The following CYFIP1 variants were observed in gnomAD, a reference collection of about 807,000 sequenced individuals.
CYFIP1 encodes cytoplasmic FMR1 interacting protein 1.
Under a neutral mutation model 163.5 loss-of-function variants are expected in CYFIP1, and 58 were observed. That is an observed-to-expected ratio of 0.35 (90% CI 0.29 to 0.44). The LOEUF is 0.44. Among genes scored for constraint, CYFIP1 ranks in the 20% least tolerant of loss-of-function variants. The pLI is 1.00. For missense variants in CYFIP1, 1,338 were observed against 1,653.8 expected (o/e 0.81, Z 3.31); for synonymous variants, 663 against 660.7 (o/e 1.00, Z -0.05).
At chr15:22,884,967 G>A (rs12904968) in intron 23 of CYFIP1, among the ~76,000 whole-genome samples, 1 of 150,652 alleles carries the variant, frequency 6.6e-6, no homozygotes, top group Non-Finnish European at 1.5e-5. Flanking sequence ...GGGATGGGGG[G>A]TGGGGTGGGG....
At chr15:22,873,158 CTTT>C (rs1165071479) in intron 29 of CYFIP1, among the ~76,000 whole-genome samples, 186 bp from the exon 30 acceptor site, 10 of 152,096 alleles carry the variant, frequency 6.6e-5, no homozygotes, top group Non-Finnish European at 1.0e-4. Flanking sequence ...TGATAAATAA[CTTT>C]TTTGGGCTCT....
At chr15:22,923,334 C>A (rs553980168) in intron 13 of CYFIP1, among the ~76,000 whole-genome samples, 1 of 152,140 alleles carries the variant, frequency 6.6e-6, no homozygotes, top group Admixed American at 6.5e-5. Flanking sequence ...ATAATGCACA[C>A]AAATGGCCAA....
intron 23 of CYFIP1, among the ~76,000 whole-genome samples, chr15:22,886,167 A>T (rs1250382747): frequency 6.6e-6 from 1 of 152,156 alleles, no homozygotes. Flanking sequence ...TCATGAGAAC[A>T]TCGTCACCCC....
At chr15:22,953,405 A>C (rs2062327145) in intron 1 of CYFIP1, among the ~76,000 whole-genome samples, 1 of 152,208 alleles carries the variant, frequency 6.6e-6, no homozygotes, top group African/African-American at 2.4e-5. Flanking sequence ...CTGCTAGAGA[A>C]CAAAGGCAAT....
chr15:22,964,307 C>CAA (rs1283446310), intron 1 of CYFIP1, among the ~76,000 whole-genome samples: 1 of 114,104 alleles, frequency 8.8e-6, no homozygotes, highest in African/African-American at 3.6e-5. Context: ...CACACACACA[C>CAA]ACACACAACT....
In CYFIP1 at chr15:22,917,386, C is replaced by T. The variant is rs1170638470; in HGVS notation, c.1674+402G>A. On this transcript the variant is annotated intron_variant, in intron 15 of 30. Transcript: ENST00000617928. This position sits in a 1 kb window ranked among gnomAD's most constrained non-coding sequence, Gnocchi z 4.2. Reference sequence around the variant, plus strand: ...AGAGAGGACAGTGGGCAGCTTAGGACCATGACACACGCAAGCAGCACCTCA... The same window carrying T: ...AGAGAGGACAGTGGGCAGCTTAGGATCATGACACACGCAAGCAGCACCTCA... The T allele has an allele frequency of 7.4e-6, 7 of 945,700 alleles. No individual in the cohort carries two copies. Among genetic ancestry groups the T allele is most frequent in the Non-Finnish European group, 9.8e-6 (7 of 713,864 alleles). 58.6% of individuals were successfully genotyped at this position (945,700 alleles called of 1,614,324 possible). A position where few individuals can be genotyped will look rare whatever the true frequency, so the allele number is the denominator to read the frequency against.
chr15:22,907,788 C>G (rs1279994441), intron 21 of CYFIP1, among the ~76,000 whole-genome samples: 1 of 152,196 alleles, frequency 6.6e-6, no homozygotes, highest in Non-Finnish European at 1.5e-5. Flanking sequence ...GTTCGGGGGC[C>G]CGCTCACTGA....
intron 25 of CYFIP1, 102 bp from the exon 26 acceptor site, chr15:22,880,145 C>T: frequency 3.3e-6 from 5 of 1,497,452 alleles, no homozygotes; most frequent in Non-Finnish European, 4.6e-6. Flanking sequence ...ACACCGCCAT[C>T]AAGCCTGGCT....
At chr15:22,904,619 G>A (rs1363848020) in intron 21 of CYFIP1, 3 of 152,310 alleles carry the variant, frequency 2.0e-5, no homozygotes, top group East Asian at 3.8e-4. Flanking sequence ...CTTTTCTAAT[G>A]AGACTATGGG....
chr15:22,903,240 C>T (rs995693107), intron 22 of CYFIP1, among the ~76,000 whole-genome samples: 17 of 152,258 alleles, frequency 1.1e-4, no homozygotes, highest in South Asian at 8.3e-4. Flanking sequence ...CCAGAATGAC[C>T]GCCACCCGGT....
chr15:22,943,323 A>G lies in CYFIP1; in HGVS notation c.419T>C (p.Val140Ala). The change falls in exon 6 of 31, where the codon GTG (valine) becomes GCG (alanine). Residue 140 changes from valine to alanine, a missense_variant. Val to Ala is a moderately conservative substitution (Grantham distance 64). Transcript: ENST00000617928. ...RNAIERFCGE[V>A]RRLCHAERRK... The stretch of plus-strand genomic sequence containing the variant: ...CCTCTCGGCATGGCACAGGCGCCTC[A>G]CTTCCCCGCAGAAACGCTCAATGGC... 1 of 1,614,148 alleles carries G rather than the reference A, an allele frequency of 6.2e-7. No homozygotes were observed. Among genetic ancestry groups the G allele is most frequent in the Non-Finnish European group, 8.5e-7 (1 of 1,180,036 alleles).
chr15:22,881,984 G>T, intron 24 of CYFIP1, 48 bp from the exon 25 acceptor site: 1 of 1,543,508 alleles, frequency 6.5e-7, no homozygotes, highest in Non-Finnish European at 8.9e-7. Context: ...ACTCCGCTCT[G>T]CTAACGCCTG....
In CYFIP1 at chr15:22,917,071, T is replaced by C; in HGVS notation, c.1675-441A>G. On this transcript the variant is annotated intron_variant, in intron 15 of 30. Transcript: ENST00000617928. This position sits in a 1 kb window ranked among gnomAD's most constrained non-coding sequence, Gnocchi z 4.2. ...AGGAGGGAGAGGCAGGAGAGAGACG[T>C]TAGTCACTCGACACACACACCCCAG... 1.3e-6 allele frequency: 2 copies of C among 1,493,730 alleles called. No individual in the cohort carries two copies. Among genetic ancestry groups the C allele is most frequent in the Non-Finnish European group, 1.8e-6 (2 of 1,123,332 alleles). The allele number at this position is 1,493,730 out of a possible 1,614,324, so 92.5% of individuals were successfully genotyped here.
intron 6 of CYFIP1, among the ~76,000 whole-genome samples, chr15:22,941,876 C>T (rs1316698699): frequency 6.6e-6 from 1 of 152,180 alleles, no homozygotes; most frequent in African/African-American, 2.4e-5. Flanking sequence ...CCACCTCCCC[C>T]ATTTCCCTGA....
intron 13 of CYFIP1, among the ~76,000 whole-genome samples, chr15:22,921,054 A>AC (rs1204455915): frequency 6.6e-6 from 1 of 151,630 alleles, no homozygotes; most frequent in Non-Finnish European, 1.5e-5. Flanking sequence ...AGCAAAATAA[A>AC]CCCCCCCAAA....
Position 22,916,481 on chromosome 15 carries a change from G to A in CYFIP1, c.1824C>T (p.Phe608=). ...CTGCTCAGCAGTATCTCTTACCACT[G>A]AAATTTATCAAGTGAGTGTAGAAGA... ...ESFFYTHLIN[F]SETLQQCCDL... Residue 608 remains phenylalanine (F), a synonymous_variant, in exon 16 of 31, where the codon TTC becomes TTT. Transcript: ENST00000617928. 2 of 1,606,844 alleles carry A rather than the reference G, an allele frequency of 1.2e-6. No homozygotes were observed. The highest frequency in any genetic ancestry group is 1.1e-5 in the South Asian group (1 of 90,818).
chr15:22,944,670 A>C lies in CYFIP1; in HGVS notation c.286-11T>G. The stretch of plus-strand genomic sequence containing the variant: ...CTCGTTACATTTCACCTGGGAATAA[A>C]GGAACAAGGATGACATAAGAGGCTT... On this transcript the variant is annotated splice_polypyrimidine_tract_variant and intron_variant, in intron 4 of 30. Coordinates refer to ENST00000617928, the MANE Select transcript of CYFIP1 (RefSeq NM_014608.6). 6.2e-7 allele frequency: 1 copy of C among 1,609,644 alleles called. No individual in the cohort carries two copies. Among genetic ancestry groups the C allele is most frequent in the South Asian group, 1.1e-5 (1 of 91,004 alleles).
intron 16 of CYFIP1, chr15:22,915,236 T>A (rs1232003035): frequency 5.4e-6 from 1 of 184,112 alleles, no homozygotes. Context: ...GCTCAAGCGA[T>A]CCTCCTGCCT....
chr15:22,927,841 A>C (rs2061405970), intron 12 of CYFIP1, 65 bp downstream of exon 12: 17 of 1,501,316 alleles, frequency 1.1e-5, no homozygotes, highest in Non-Finnish European at 1.3e-5. Flanking sequence ...AAAGACCAAA[A>C]GTTAATGTGA....
Sources: allele counts gnomAD v4.1 joint callset (sites outside exome capture counted in the v4.1 genomes callset), GRCh38; gene constraint gnomAD v4.1.1; non-coding constraint Gnocchi (gnomAD v3.1); transcripts MANE v1.5; gene names NCBI Gene and HGNC (gene_info 2026-07-23, HGNC 2026-07-21).